Variants in MRC1 observed in about 807,000 individuals in gnomAD.
The protein encoded by MRC1 is mannose receptor C-type 1.
A neutral mutation model predicts 102.9 loss-of-function variants in MRC1; 62 were observed. The observed-to-expected ratio is 0.60, with a 90% CI of 0.49 to 0.74. The LOEUF (loss-of-function observed/expected upper bound fraction) is 0.74, where lower values mean the gene tolerates loss of function less well. Among genes scored for constraint, MRC1 ranks in the 30% least tolerant of loss-of-function variants. The pLI is 0.00. For missense variants in MRC1, 1,237 were observed against 862.8 expected (o/e 1.43, Z -5.43); for synonymous variants, 457 against 298.4 (o/e 1.53, Z -5.48).
Position 17,833,833 on chromosome 10 carries a change from C to G in MRC1, c.796C>G (p.Leu266Val), listed in dbSNP as rs1554839246. Residue 266 changes from leucine (L) to valine (V), a missense_variant, in exon 4 of 30, where the codon CTG (leucine) becomes GTG (valine). Leu to Val is a conservative substitution (Grantham distance 32, BLOSUM62 1). Transcript: ENST00000569591. ...SITEIHEQTY[L>V]TGLTSSLTSG... ...CACAGAGATTCATGAGCAAACATACCTGACAGGTAAGGACATGAAAAGTCT... is the reference window on the plus strand; with the variant it reads ...CACAGAGATTCATGAGCAAACATACGTGACAGGTAAGGACATGAAAAGTCT... 1 of 780,976 alleles carries G rather than the reference C, an allele frequency of 1.3e-6. No individual in the cohort carries two copies. The highest frequency in any genetic ancestry group is 2.4e-6 in the Non-Finnish European group (1 of 418,086). The allele number at this position is 780,976 out of a possible 1,614,324, so 48.4% of individuals were successfully genotyped here. A position where few individuals can be genotyped will look rare whatever the true frequency, so the allele number is the denominator to read the frequency against.
At chr10:17,851,676 A>T (rs1381862141) in intron 7 of MRC1, among the ~76,000 whole-genome samples, 2 of 152,196 alleles carry the variant, frequency 1.3e-5, no homozygotes, top group Non-Finnish European at 2.9e-5. Context: ...TTGATCTTCA[A>T]TTTAAATCTT....
intron 11 of MRC1, 132 bp downstream of exon 11, chr10:17,863,814 A>G: frequency 1.5e-6 from 1 of 660,496 alleles, no homozygotes; most frequent in Non-Finnish European, 2.8e-6. Flanking sequence ...TTTATATTTC[A>G]TTCTCTTTTC....
chr10:17,896,573 T>G (rs890474797), intron 23 of MRC1, among the ~76,000 whole-genome samples: 6 of 152,204 alleles, frequency 3.9e-5, no homozygotes, highest in Non-Finnish European at 8.8e-5. Flanking sequence ...TTGCAAATTT[T>G]TAATGACTTA....
At chr10:17,903,382 C>CTTTTTTTT (rs1210207060) in intron 26 of MRC1, among the ~76,000 whole-genome samples, 4 of 125,052 alleles carry the variant, frequency 3.2e-5, no homozygotes, top group Non-Finnish European at 5.0e-5. Context: ...TTTTTCTTTT[C>CTTTTTTTT]TTTTTTTTTC....
At chr10:17,857,099 C>A (rs1193950893) in intron 9 of MRC1, among the ~76,000 whole-genome samples, 3 of 152,072 alleles carry the variant, frequency 2.0e-5, no homozygotes, top group Non-Finnish European at 4.4e-5. Context: ...ATAACACGTA[C>A]CAGAAAGCTG....
chr10:17,894,351 G>A lies in MRC1; in HGVS notation c.3250+39G>A, dbSNP rs909963945. 1.5e-5 allele frequency: 13 copies of A among 854,054 alleles called. No homozygotes were observed. The Admixed American group carries it at 2.1e-4, about 14-fold the overall frequency. The allele number at this position is 854,054 out of a possible 1,614,324, so 52.9% of individuals were successfully genotyped here. A position where few individuals can be genotyped will look rare whatever the true frequency, so the allele number is the denominator to read the frequency against. The stretch of plus-strand genomic sequence containing the variant: ...AACCTTACCTTCCTGAAAGAGCTGG[G>A]GTTTTTTTTTCCCCACTTTTTTCTT... On this transcript the variant is annotated intron_variant, in intron 23 of 29. Transcript: ENST00000569591.
chr10:17,859,222 C>T (rs1476832023), intron 9 of MRC1, among the ~76,000 whole-genome samples: 1 of 152,122 alleles, frequency 6.6e-6, no homozygotes, highest in Non-Finnish European at 1.5e-5. Context: ...GTTACCAAGT[C>T]ATCTCAAACA....
intron 16 of MRC1, 126 bp from the exon 17 acceptor site, chr10:17,874,964 G>C (rs1833409655): frequency 2.7e-6 from 2 of 740,970 alleles, no homozygotes; most frequent in Non-Finnish European, 2.5e-6. Flanking sequence ...TGCTGTTCTG[G>C]TCTCTCAGAG....
chr10:17,843,738 T>TA (rs1243917796), intron 5 of MRC1, among the ~76,000 whole-genome samples: 3 of 152,248 alleles, frequency 2.0e-5, no homozygotes, highest in South Asian at 4.1e-4. Context: ...AAATAAACTT[T>TA]AAAAAAATCA....
At chr10:17,826,073 C>T (rs1838470166) in intron 2 of MRC1, among the ~76,000 whole-genome samples, 1 of 152,104 alleles carries the variant, frequency 6.6e-6, no homozygotes, top group Admixed American at 6.5e-5. Context: ...TTGATAATTA[C>T]AATGAGTAAA....
chr10:17,849,522 T>G (rs1838879542), intron 6 of MRC1, 57 bp from the exon 7 acceptor site: 1 of 764,092 alleles, frequency 1.3e-6, no homozygotes. Context: ...TAAAATATTG[T>G]TATAGTTTTA....
At chr10:17,891,285 T>G (rs1012350611) in intron 22 of MRC1, among the ~76,000 whole-genome samples, 4 of 151,480 alleles carry the variant, frequency 2.6e-5, no homozygotes, top group Non-Finnish European at 5.9e-5. Context: ...TCCTGCCTCA[T>G]CCTCCCGAGT....
At chr10:17,900,344 T>A (rs1445443892) in intron 24 of MRC1, among the ~76,000 whole-genome samples, 3 of 152,078 alleles carry the variant, frequency 2.0e-5, no homozygotes, top group African/African-American at 7.2e-5. Flanking sequence ...AACAACAGAA[T>A]AATGAGAAGA....
rs979660493 is a variant in MRC1, at chr10:17,820,399, T to G, written c.62-2675T>G. Among the ~76,000 whole-genome samples the G allele has an allele frequency of 1.6e-3, 240 of 152,152 alleles. 3 individuals carry two copies. In the Middle Eastern group the frequency reaches 0.065, roughly 41 times the overall value. On this transcript the variant is annotated intron_variant, in intron 1 of 29. Coordinates refer to ENST00000569591, the MANE Select transcript of MRC1 (RefSeq NM_002438.4). The stretch of plus-strand genomic sequence containing the variant: ...TGGATGTTACTCATTAAATGCTGTC[T>G]TAGAGTGAAATTAAGATGAACTGCA...
intron 18 of MRC1, 134 bp downstream of exon 18, chr10:17,878,101 G>C (rs1833461952): frequency 6.3e-6 from 4 of 631,810 alleles, no homozygotes; most frequent in Admixed American, 5.8e-5. Context: ...AAAGCAACTT[G>C]AAAAAAGGAA....
intron 22 of MRC1, among the ~76,000 whole-genome samples, chr10:17,888,946 A>G (rs1833637548): frequency 6.6e-6 from 1 of 151,714 alleles, no homozygotes; most frequent in Non-Finnish European, 1.5e-5. Flanking sequence ...TTGATGCTCT[A>G]TTGTTAGCCA....
At chr10:17,883,329 A>G (rs958853169) in intron 21 of MRC1, among the ~76,000 whole-genome samples, 3 of 151,988 alleles carry the variant, frequency 2.0e-5, no homozygotes, top group Admixed American at 6.6e-5. Flanking sequence ...GGGTCTTGCT[A>G]TGTTGCCCAG....
At chr10:17,840,585 C>T in intron 4 of MRC1, 108 bp from the exon 5 acceptor site, 1 of 740,010 alleles carries the variant, frequency 1.4e-6, no homozygotes, top group Non-Finnish European at 2.5e-6. Context: ...ATTATTGTTA[C>T]TTCCCTCAGT....
At chr10:17,857,523 A>T (rs1833110736) in intron 9 of MRC1, among the ~76,000 whole-genome samples, 1 of 152,244 alleles carries the variant, frequency 6.6e-6, no homozygotes, top group South Asian at 2.1e-4. Flanking sequence ...ATAAAAATAA[A>T]ATAATAGCAG....
Sources: allele counts gnomAD v4.1 joint callset (sites outside exome capture counted in the v4.1 genomes callset), GRCh38; gene constraint gnomAD v4.1.1; transcripts MANE v1.5; gene names NCBI Gene and HGNC (gene_info 2026-07-23, HGNC 2026-07-21).